MBNL1: variants seen among roughly 807,000 people sequenced by gnomAD.
The protein encoded by MBNL1 is muscleblind-like protein 1.
A neutral mutation model predicts 42.2 loss-of-function variants in MBNL1; 8 were observed. That is an observed-to-expected ratio of 0.19 (90% CI 0.11 to 0.34). MBNL1 has a LOEUF of 0.34. Among genes scored for constraint, MBNL1 ranks in the 10% least tolerant of loss-of-function variants. The pLI is 1.00. For missense variants in MBNL1, 309 were observed against 495.3 expected (o/e 0.62, Z 3.57); for synonymous variants, 169 against 173.9 (o/e 0.97, Z 0.22).
chr3:152,408,868 C>T (rs184278926), intron 2 of MBNL1, among the ~76,000 whole-genome samples: 13 of 152,194 alleles, frequency 8.5e-5, no homozygotes, highest in Admixed American at 5.2e-4. Flanking sequence ...AAGGATGCTG[C>T]TAAACATAGT....
In MBNL1 at chr3:152,363,402, A is replaced by G. The variant is rs527523927; in HGVS notation, c.175-51539A>G. On this transcript the variant is annotated intron_variant, in intron 2 of 9. Coordinates refer to ENST00000324210, the MANE Select transcript of MBNL1 (RefSeq NM_021038.5). Reference sequence around the variant, plus strand: ...AAAGAGTAAGGCCTTAGCAGGGACTATGTGCTATGATCATTAAGTTGAATA... The same window carrying G: ...AAAGAGTAAGGCCTTAGCAGGGACTGTGTGCTATGATCATTAAGTTGAATA... Among the ~76,000 whole-genome samples, 5 of 152,292 alleles carry G rather than the reference A, an allele frequency of 3.3e-5. No individual in the cohort carries two copies. In the South Asian group the frequency reaches 8.3e-4, roughly 25 times the overall value.
chr3:152,377,700 T>G (rs1278552758), intron 2 of MBNL1, among the ~76,000 whole-genome samples: 1 of 152,212 alleles, frequency 6.6e-6, no homozygotes, highest in Non-Finnish European at 1.5e-5. Context: ...TGTTTAAAAT[T>G]ATTTAACATT....
chr3:152,412,687 A>C (rs1180978164), intron 2 of MBNL1, among the ~76,000 whole-genome samples: 1 of 152,106 alleles, frequency 6.6e-6, no homozygotes, highest in Admixed American at 6.5e-5. Context: ...TCTCTCTGTT[A>C]TTTCAGTCCA....
At chr3:152,308,041 C>T (rs1199665773) in intron 2 of MBNL1, among the ~76,000 whole-genome samples, 3 of 152,136 alleles carry the variant, frequency 2.0e-5, no homozygotes, top group Non-Finnish European at 2.9e-5. Context: ...TATATAGCTG[C>T]CTCCCCAGTG....
chr3:152,339,555 T>C (rs1466652401), intron 2 of MBNL1: 2 of 152,150 alleles, frequency 1.3e-5, no homozygotes, highest in South Asian at 2.1e-4. Flanking sequence ...TATGAGATCA[T>C]TGTTGGCCTT....
chr3:152,348,152 A>C (rs2094509286), intron 2 of MBNL1, among the ~76,000 whole-genome samples: 1 of 152,140 alleles, frequency 6.6e-6, no homozygotes, highest in East Asian at 1.9e-4. Flanking sequence ...CAAAAGAGAA[A>C]AGGAATGTAA....
rs185200395 is a variant in MBNL1 at position 152,327,229 on chromosome 3, G to T, written c.174+26862G>T. Among the ~76,000 whole-genome samples, 13 of 152,032 alleles carry T rather than the reference G, an allele frequency of 8.6e-5. No individual in the cohort carries two copies. The East Asian group carries it at 2.5e-3, about 29-fold the overall frequency. On this transcript the variant is annotated intron_variant, in intron 2 of 9. Transcript: ENST00000324210. Reference sequence around the variant, plus strand: ...CTTCCTTTTTGTTTATCATTAATGTGCCTCTGTATGGTTGAATTTATTTAC... The same window carrying T: ...CTTCCTTTTTGTTTATCATTAATGTTCCTCTGTATGGTTGAATTTATTTAC...
chr3:152,338,408 C>G (rs1384121200), intron 2 of MBNL1: 6 of 985,286 alleles, frequency 6.1e-6, no homozygotes, highest in Admixed American at 6.2e-5. Flanking sequence ...TATTCCTCCC[C>G]CTGCTGCTAC....
intron 1 of MBNL1, among the ~76,000 whole-genome samples, chr3:152,298,727 C>A (rs1577362452): frequency 6.6e-6 from 1 of 152,120 alleles, no homozygotes; most frequent in East Asian, 1.9e-4. Context: ...AGGGGCAGGA[C>A]TTGGGCTTTA....
intron 3 of MBNL1, among the ~76,000 whole-genome samples, chr3:152,429,554 T>C (rs1486232225): frequency 1.3e-5 from 2 of 152,158 alleles, no homozygotes; most frequent in African/African-American, 2.4e-5. Context: ...GATAACAACA[T>C]TGCATTAATA....
chr3:152,363,871 AT>A (rs2096176156), intron 2 of MBNL1, among the ~76,000 whole-genome samples: 1 of 152,132 alleles, frequency 6.6e-6, no homozygotes, highest in South Asian at 2.1e-4. Context: ...TAATGAAAAA[AT>A]ATCAATTCCT....
intron 2 of MBNL1, among the ~76,000 whole-genome samples, chr3:152,254,074 G>A (rs904829934): frequency 1.3e-5 from 2 of 152,020 alleles, no homozygotes; most frequent in African/African-American, 2.4e-5. Flanking sequence ...AATAAACAAT[G>A]ATTAAGTAAA....
chr3:152,317,352 C>T (rs1214290887), intron 2 of MBNL1, among the ~76,000 whole-genome samples: 4 of 152,044 alleles, frequency 2.6e-5, no homozygotes, highest in Admixed American at 2.0e-4. Context: ...GAGACAGTCT[C>T]ACTGTCACTC....
intron 2 of MBNL1, among the ~76,000 whole-genome samples, chr3:152,378,970 C>T (rs1386420900): frequency 6.6e-6 from 1 of 151,912 alleles, no homozygotes; most frequent in Non-Finnish European, 1.5e-5. Context: ...CCCTCCTTGA[C>T]CTCCCAAAGT....
At chr3:152,449,443 G>A (rs1717275882) in intron 6 of MBNL1, 1 of 152,020 alleles carries the variant, frequency 6.6e-6, no homozygotes, top group Admixed American at 6.6e-5. Flanking sequence ...TTTAAAGAAA[G>A]CTGAAAAAAT....
intron 2 of MBNL1, among the ~76,000 whole-genome samples, chr3:152,312,432 G>C (rs1399563395): frequency 3.3e-5 from 5 of 152,122 alleles, no homozygotes; most frequent in Admixed American, 1.3e-4. Flanking sequence ...CAGCCAATTA[G>C]AAATATATTT....
chr3:152,421,884 G>T (rs1161790866), intron 3 of MBNL1, among the ~76,000 whole-genome samples: 3 of 152,054 alleles, frequency 2.0e-5, no homozygotes, highest in African/African-American at 7.2e-5. Flanking sequence ...AATGCTGAGG[G>T]ATTTTGTCAC....
At chr3:152,305,032 A>C (rs772757760) in intron 2 of MBNL1, among the ~76,000 whole-genome samples, 1 of 152,134 alleles carries the variant, frequency 6.6e-6, no homozygotes, top group Non-Finnish European at 1.5e-5. Context: ...TTCTCATGAA[A>C]TCTTGCTTCA....
chr3:152,445,258 C>T (rs1480320712), intron 4 of MBNL1, 24 bp from the exon 5 acceptor site: 5 of 1,598,664 alleles, frequency 3.1e-6, no homozygotes, highest in Admixed American at 1.7e-5. Flanking sequence ...TTGACTAAAC[C>T]TCATGTACTT....
Sources: allele counts gnomAD v4.1 joint callset (sites outside exome capture counted in the v4.1 genomes callset), GRCh38; gene constraint gnomAD v4.1.1; transcripts MANE v1.5; gene names NCBI Gene and HGNC (gene_info 2026-07-23, HGNC 2026-07-21).